The following IGSF10 variants were observed in gnomAD, a reference collection of about 807,000 sequenced individuals.
IGSF10 encodes immunoglobulin superfamily member 10.
A neutral mutation model predicts 128.2 loss-of-function variants in IGSF10; 126 were observed. The ratio of observed to expected loss-of-function variants is 0.98; its 90% confidence interval spans 0.85 to 1.14. The LOEUF is 1.14. IGSF10 is among the 50% of genes most tolerant of loss of function. The pLI, the probability that IGSF10 is intolerant of heterozygous loss-of-function variation, is 0.00. For synonymous variants in IGSF10, 1,185 were observed against 1,146.2 expected, an observed-to-expected ratio of 1.03 and a Z score of -0.68; for missense variants, 3,295 against 3,149.8, an observed-to-expected ratio of 1.05 and a Z score of -1.10.
At chr3:151,571,547 T>C in the IGSF10 span, among the ~76,000 whole-genome samples, 83 of 152,318 alleles carry the variant, frequency 5.4e-4, no homozygotes, top group Middle Eastern at 0.01. Flanking sequence ...ATAGGAATGC[T>C]TGTGATTTTT....
At chr3:151,464,265 C>G (rs1293014300), upstream of IGSF10, among the ~76,000 whole-genome samples, 1 of 152,178 alleles carries the variant, frequency 6.6e-6, no homozygotes, top group South Asian at 2.1e-4. Context: ...TCCTCCCCCT[C>G]TTTTTGTTAC....
At chr3:151,498,536 T>TA in the IGSF10 span, among the ~76,000 whole-genome samples, 1 of 152,080 alleles carries the variant, frequency 6.6e-6, no homozygotes, top group East Asian at 1.9e-4. Flanking sequence ...TAATCCAGCA[T>TA]ATAAACAGAA....
At chr3:151,557,299 G>T in the IGSF10 span, among the ~76,000 whole-genome samples, 473 of 152,226 alleles carry the variant, frequency 3.1e-3, 3 homozygotes, top group African/African-American at 0.011. Context: ...TTTAAGAGAG[G>T]TGAATGGGCC....
the IGSF10 span, among the ~76,000 whole-genome samples, chr3:151,494,821 A>T: frequency 3.3e-5 from 5 of 152,174 alleles, no homozygotes; most frequent in Admixed American, 2.6e-4. Context: ...AAAACAAGAT[A>T]ATCAGCAAGG....
At position 151,437,334 on chromosome 3, in the gene IGSF10, A is replaced by G. The variant is rs759502811; in HGVS notation, c.7227T>C (p.Tyr2409=). The G allele has an allele frequency of 6.2e-7, 1 of 1,614,208 alleles. No individual in the cohort carries two copies. Among genetic ancestry groups the G allele is most frequent in the Non-Finnish European group, 8.5e-7 (1 of 1,180,036 alleles). The change falls in exon 8 of 8, where the codon TAT becomes TAC. Residue 2409 remains tyrosine (Y), a synonymous_variant. Transcript: ENST00000282466. The part of the protein sequence containing the change: ...SKTTREDAGK[Y]RCAARNKVGY... ...CAACTTTATTCCTAGCTGCACAGCG[A>G]TATTTTCCTGCATCCTCCCGAGTTG...
the IGSF10 span, among the ~76,000 whole-genome samples, chr3:151,537,572 T>C: frequency 2.0e-4 from 31 of 152,126 alleles, no homozygotes; most frequent in African/African-American, 7.2e-4. Flanking sequence ...TTAACCGAAA[T>C]AGGGTTTATA....
the IGSF10 span, among the ~76,000 whole-genome samples, chr3:151,481,665 G>C: frequency 6.6e-6 from 1 of 152,074 alleles, no homozygotes; most frequent in Non-Finnish European, 1.5e-5. Flanking sequence ...CAATAGTTTT[G>C]TAAGACCTTA....
rs760327437 is a variant in IGSF10 at position 151,444,901 on chromosome 3, AG to A, written c.5062+17del. 1.3e-6 allele frequency: 2 copies of A among 1,546,832 alleles called. No individual in the cohort carries two copies. Among genetic ancestry groups the A allele is most frequent in the Admixed American group, 4.3e-5 (2 of 46,270 alleles). ...GTTTTCTAACAAAAACTAAGTGTAA[AG>A]AAAAAGTTTCACATACCTGATGGGA... On this transcript the variant is annotated intron_variant, in intron 6 of 7. Coordinates refer to ENST00000282466, the MANE Select transcript of IGSF10 (RefSeq NM_178822.5).
the IGSF10 span, among the ~76,000 whole-genome samples, chr3:151,537,860 G>GT: frequency 1.3e-5 from 2 of 152,084 alleles, no homozygotes; most frequent in African/African-American, 4.8e-5. Context: ...GTTTTCCATG[G>GT]TTTCCCAGTA....
At chr3:151,435,296 C>CTTGT (rs1720020086), downstream of IGSF10, 2 of 152,030 alleles carry the variant, frequency 1.3e-5, no homozygotes, top group Non-Finnish European at 2.9e-5. Flanking sequence ...CATAGACTCT[C>CTTGT]TTGTTTACAC....
rs756342518 is a variant in IGSF10, at chr3:151,448,879, A to C, written c.1102T>G (p.Tyr368Asp). Residue 368 changes from tyrosine (Y) to aspartate (D), a missense_variant, in exon 6 of 8, where the codon TAC becomes GAC. Transcript: ENST00000282466. ...TGCCACACTGGCTGAATGTGACCGT[A>C]ATCTATGTTGCACACCAAAAATGTT... ...FSTFLVCNID[Y>D]GHIQPVWQIL... 6.2e-7 allele frequency: 1 copy of C among 1,614,124 alleles called. No individual in the cohort carries two copies. The highest frequency in any genetic ancestry group is 1.3e-5 in the African/African-American group (1 of 74,944).
the IGSF10 span, among the ~76,000 whole-genome samples, chr3:151,511,981 A>G: frequency 6.6e-6 from 1 of 152,208 alleles, no homozygotes; most frequent in Non-Finnish European, 1.5e-5. Flanking sequence ...TTAGTGACCT[A>G]CAAAGAGACT....
chr3:151,515,307 T>C, the IGSF10 span, among the ~76,000 whole-genome samples: 1 of 151,924 alleles, frequency 6.6e-6, no homozygotes, highest in African/African-American at 2.4e-5. Flanking sequence ...GATGAGTTCA[T>C]GTCCTTTGTA....
chr3:151,459,146 A>T (rs1262375448), intron 2 of IGSF10, among the ~76,000 whole-genome samples: 1 of 152,178 alleles, frequency 6.6e-6, no homozygotes, highest in East Asian at 1.9e-4. Flanking sequence ...TGGAAACTGT[A>T]ATTAAGCAGT....
chr3:151,469,471 G>T, the IGSF10 span, among the ~76,000 whole-genome samples: 1 of 152,172 alleles, frequency 6.6e-6, no homozygotes, highest in Non-Finnish European at 1.5e-5. Context: ...AAACTTGTTA[G>T]GGTGAGATTT....
chr3:151,502,392 G>C, the IGSF10 span, among the ~76,000 whole-genome samples: 1 of 151,964 alleles, frequency 6.6e-6, no homozygotes, highest in Non-Finnish European at 1.5e-5. Context: ...GTAAAGAAAA[G>C]AGCCTATGGA....
chr3:151,546,042 CAA>C, the IGSF10 span, among the ~76,000 whole-genome samples: 8 of 129,814 alleles, frequency 6.2e-5, no homozygotes, highest in Admixed American at 7.8e-5. Context: ...TATGTGGCCA[CAA>C]AAAAAAAAAA....
the IGSF10 span, among the ~76,000 whole-genome samples, chr3:151,593,592 AT>A: frequency 6.6e-6 from 1 of 152,024 alleles, no homozygotes; most frequent in Non-Finnish European, 1.5e-5. Flanking sequence ...CAGAAAAAAG[AT>A]TTTTTCTGAA....
Position 151,445,644 on chromosome 3 carries a change from G to C in IGSF10, c.4337C>G (p.Ser1446Ter), listed in dbSNP as rs1279469857. 1.2e-6 allele frequency: 2 copies of C among 1,614,236 alleles called. No individual in the cohort carries two copies. Among genetic ancestry groups the C allele is most frequent in the Non-Finnish European group, 1.7e-6 (2 of 1,180,042 alleles). Residue 1446 changes from serine (S) to a stop codon, truncating the protein, a stop_gained, in exon 6 of 8, where the codon TCA becomes TGA. Coordinates refer to ENST00000282466, the MANE Select transcript of IGSF10 (RefSeq NM_178822.5). LOFTEE classifies it high-confidence loss of function. ...IASETTLSSKSHQSTTTRKAI... is the reference protein window; with the variant it reads ...IASETTLSSK ...TTTCCTAGTTGTGGTACTCTGGTGT[G>C]ATTTGCTGGACAAAGTTGTTTCAGA...
Sources: allele counts gnomAD v4.1 joint callset (sites outside exome capture counted in the v4.1 genomes callset), GRCh38; gene constraint gnomAD v4.1.1; transcripts MANE v1.5; gene names NCBI Gene and HGNC (gene_info 2026-07-23, HGNC 2026-07-21).